CRCP: variants seen among roughly 807,000 people sequenced by gnomAD.
CRCP encodes the protein DNA-directed RNA polymerase III subunit RPC9.
CRCP carries 18 observed loss-of-function variants against 18.5 expected under a neutral mutation model. The ratio of observed to expected loss-of-function variants is 0.97; its 90% CI spans 0.67 to 1.44. The LOEUF (loss-of-function observed/expected upper bound fraction) is 1.44. Among genes scored for constraint, CRCP ranks in the 40% most tolerant of loss-of-function variants. CRCP has a pLI of 0.00. For missense variants in CRCP, 130 were observed against 176.4 expected, an observed-to-expected ratio of 0.74 and a Z score of 1.49; for synonymous variants, 53 against 62.9, an observed-to-expected ratio of 0.84 and a Z score of 0.75.
chr7:66,146,348 G>A (rs942229491), intron 5 of CRCP, among the ~76,000 whole-genome samples: 1 of 151,984 alleles, frequency 6.6e-6, no homozygotes, highest in African/African-American at 2.4e-5. Flanking sequence ...GGAGATACCC[G>A]GGCCACCACT....
intron 1 of CRCP, among the ~76,000 whole-genome samples, chr7:66,116,898 A>G (rs559438235): frequency 2.1e-4 from 32 of 152,246 alleles, no homozygotes; most frequent in Admixed American, 5.2e-4. Context: ...AAGTGGGCGA[A>G]TCCCCTGAGG....
At position 66,151,757 on chromosome 7, in the gene CRCP, T is replaced by C. The variant is rs1435728038; in HGVS notation, c.298-451T>C. On this transcript the variant is annotated intron_variant, in intron 5 of 5. Transcript: ENST00000395326. The stretch of plus-strand genomic sequence containing the variant: ...CTTTTTCCTTTTTTTCTTTTCTTTT[T>C]TTTTTTTTTTTTTTAGACAAAGTCT... Among the ~76,000 whole-genome samples the C allele has an allele frequency of 8.6e-4, 124 of 143,740 alleles. 5 individuals are homozygous for C. The highest frequency in any genetic ancestry group is 5.3e-3 in the South Asian group (24 of 4,490). 94.3% of individuals were successfully genotyped at this position (143,740 alleles called of 152,430 possible).
chr7:66,141,659 G>A (rs192712982), intron 4 of CRCP, among the ~76,000 whole-genome samples: 1 of 152,330 alleles, frequency 6.6e-6, no homozygotes, highest in African/African-American at 2.4e-5. Context: ...GTTTTAAGGA[G>A]GGAATGATCA....
intron 1 of CRCP, among the ~76,000 whole-genome samples, chr7:66,123,397 T>G (rs1327015288): frequency 6.6e-6 from 1 of 152,196 alleles, no homozygotes; most frequent in Non-Finnish European, 1.5e-5. Context: ...TTTGTAGAGA[T>G]CAACAGCTTC....
rs370822869 is a variant in CRCP, at chr7:66,114,950, G to C, written c.-13G>C. The C allele has an allele frequency of 6.2e-7, 1 of 1,612,250 alleles. No individual in the cohort carries two copies. Among genetic ancestry groups the C allele is most frequent in the Admixed American group, 1.7e-5 (1 of 59,918 alleles). ...TTGTCTGCTGGCAGCTAGGGGCGAC[G>C]AGGCGGGACGTCATGGAAGTGTAAG... On this transcript the variant is annotated 5_prime_UTR_variant, in exon 1 of 6. Coordinates refer to ENST00000395326, the MANE Select transcript of CRCP (RefSeq NM_014478.5).
At chr7:66,151,442 G>T (rs1230246893) in intron 5 of CRCP, among the ~76,000 whole-genome samples, 1 of 152,060 alleles carries the variant, frequency 6.6e-6, no homozygotes, top group Non-Finnish European at 1.5e-5. Context: ...GGTGGCTCGT[G>T]CCTGTAGTCC....
chr7:66,136,262 T>G (rs1465134083), intron 4 of CRCP, among the ~76,000 whole-genome samples: 1 of 151,908 alleles, frequency 6.6e-6, no homozygotes, highest in Admixed American at 6.6e-5. Flanking sequence ...GGAGTTTCAC[T>G]CTTGTGAGTT....
intron 2 of CRCP, among the ~76,000 whole-genome samples, chr7:66,129,225 C>G (rs529739092): frequency 3.3e-5 from 5 of 152,028 alleles, no homozygotes; most frequent in Non-Finnish European, 7.4e-5. Context: ...CCCAGCTGCT[C>G]GGGAGGCTCA....
chr7:66,134,546 T>G (rs1218785211), intron 4 of CRCP, 172 bp downstream of exon 4: 3 of 8,464 alleles, frequency 3.5e-4, no homozygotes, highest in Non-Finnish European at 6.0e-4. Flanking sequence ...GGAACAAATC[T>G]TTTTTTTTTT....
chr7:66,123,857 C>A (rs1196030943), intron 1 of CRCP, among the ~76,000 whole-genome samples: 1 of 149,258 alleles, frequency 6.7e-6, no homozygotes, highest in Non-Finnish European at 1.5e-5. Context: ...TCGAGACCAT[C>A]CTGGCTAACA....
At chr7:66,141,936 T>C (rs1788153435) in intron 4 of CRCP, among the ~76,000 whole-genome samples, 1 of 152,150 alleles carries the variant, frequency 6.6e-6, no homozygotes, top group Non-Finnish European at 1.5e-5. Context: ...ACAGCAGTGC[T>C]CAGCTCCTTG....
intron 4 of CRCP, among the ~76,000 whole-genome samples, chr7:66,138,836 A>G (rs1788051231): frequency 6.6e-6 from 1 of 151,136 alleles, no homozygotes; most frequent in South Asian, 2.1e-4. Flanking sequence ...AAGATTTTCA[A>G]GTCTTTGGTC....
intron 4 of CRCP, among the ~76,000 whole-genome samples, chr7:66,144,587 C>T (rs1788239716): frequency 6.6e-6 from 1 of 152,110 alleles, no homozygotes; most frequent in Non-Finnish European, 1.5e-5. Context: ...TTGTCCTCTG[C>T]CTTCCGTAGC....
intron 1 of CRCP, among the ~76,000 whole-genome samples, chr7:66,118,123 G>A (rs896420228): frequency 6.6e-6 from 1 of 152,132 alleles, no homozygotes; most frequent in Non-Finnish European, 1.5e-5. Flanking sequence ...GATTACAGGC[G>A]TGTGCCACCA....
chr7:66,115,011 C>T (rs1787211496), intron 1 of CRCP, 41 bp downstream of exon 1: 2 of 1,598,392 alleles, frequency 1.3e-6, no homozygotes, highest in Non-Finnish European at 1.7e-6. Context: ...CCGAGGAGCC[C>T]AACGGTTTGA....
In CRCP at chr7:66,152,879, A is replaced by T. The variant is rs1156900029; in HGVS notation, c.*522A>T. The T allele has an allele frequency of 6.5e-6, 1 of 153,934 alleles. No homozygotes were observed. The highest frequency in any genetic ancestry group is 6.5e-5 in the Admixed American group (1 of 15,390). 9.5% of individuals were successfully genotyped at this position (153,934 alleles called of 1,614,324 possible). Reference sequence around the variant, plus strand: ...GATAAGAAAAGAACCGGCCTGGCCAATCCTTCAACAGCTCTAGAGCCCCTT... The same window carrying T: ...GATAAGAAAAGAACCGGCCTGGCCATTCCTTCAACAGCTCTAGAGCCCCTT... On this transcript the variant is annotated 3_prime_UTR_variant, in exon 6 of 6. Coordinates refer to ENST00000395326, the MANE Select transcript of CRCP (RefSeq NM_014478.5).
Position 66,127,691 on chromosome 7 carries a change from T to C in CRCP, c.9-13T>C. Reference sequence around the variant, plus strand: ...TGAGCCCAGACTGATGATAGCTTACTTTTCTTTTTCAGGAAGGATGCCAAT... The same window carrying C: ...TGAGCCCAGACTGATGATAGCTTACCTTTCTTTTTCAGGAAGGATGCCAAT... On this transcript the variant is annotated splice_polypyrimidine_tract_variant and intron_variant, in intron 1 of 5. Transcript: ENST00000395326. The C allele has an allele frequency of 6.2e-7, 1 of 1,614,158 alleles. No individual in the cohort carries two copies. Among genetic ancestry groups the C allele is most frequent in the Middle Eastern group, 1.6e-4 (1 of 6,062 alleles).
intron 4 of CRCP, among the ~76,000 whole-genome samples, chr7:66,141,264 AATT>A (rs1428678209): frequency 6.6e-6 from 1 of 152,098 alleles, no homozygotes; most frequent in Non-Finnish European, 1.5e-5. Flanking sequence ...TGTACAATTA[AATT>A]ATTGTTGACT....
At chr7:66,127,092 A>G (rs1002562737) in intron 1 of CRCP, among the ~76,000 whole-genome samples, 3 of 152,228 alleles carry the variant, frequency 2.0e-5, no homozygotes, top group East Asian at 1.9e-4. Flanking sequence ...TTTCAAAACT[A>G]TGTTCTTTGT....
Sources: gnomAD v4.1 joint callset for allele counts (sites outside exome capture counted in the v4.1 genomes callset) on GRCh38, gnomAD v4.1.1 for gene constraint, MANE v1.5 for transcripts, NCBI Gene and HGNC (gene_info 2026-07-23, HGNC 2026-07-21) for gene names.